The following PPP1R9A variants were observed in gnomAD, a reference collection of about 807,000 sequenced individuals.
PPP1R9A encodes the protein neurabin-1.
In PPP1R9A, 59 loss-of-function variants were observed where a neutral mutation model predicts 141.9. The observed-to-expected ratio is 0.42, with a 90% CI of 0.34 to 0.52. PPP1R9A has a LOEUF of 0.52. PPP1R9A is among the 20% of genes least tolerant of loss of function. The probability of loss-of-function intolerance (pLI) is 0.10; values close to 1 mark genes in which losing one functional copy is unlikely to be tolerated. For missense variants in PPP1R9A, 1,444 were observed against 1,611.9 expected, an observed-to-expected ratio of 0.90 and a Z score of 1.78; for synonymous variants, 500 against 569.7, an observed-to-expected ratio of 0.88 and a Z score of 1.74.
intron 4 of PPP1R9A, among the ~76,000 whole-genome samples, chr7:95,160,516 A>AT (rs919075335): frequency 4.7e-5 from 7 of 148,094 alleles, no homozygotes; most frequent in Admixed American, 1.3e-4. Flanking sequence ...CTTTATTTTT[A>AT]TTTTTTTTTT....
chr7:94,934,794 ATG>A (rs869132447), intron 2 of PPP1R9A, among the ~76,000 whole-genome samples: 30 of 118,672 alleles, frequency 2.5e-4, no homozygotes, highest in South Asian at 2.2e-3. Flanking sequence ...CTTTTATCAA[ATG>A]TGTGTGTGTG....
chr7:95,154,272 C>A lies in PPP1R9A; in HGVS notation c.1650-7595C>A, dbSNP rs542219854. Among the ~76,000 whole-genome samples, 15 of 151,930 alleles carry A rather than the reference C, an allele frequency of 9.9e-5. No homozygotes were observed. The South Asian group carries it at 3.1e-3, about 32-fold the overall frequency. On this transcript the variant is annotated intron_variant, in intron 4 of 19. Transcript: ENST00000433360. The stretch of plus-strand genomic sequence containing the variant: ...TTTGCTGCTTAATTTCATCATTGAT[C>A]CAGTGTTTGTTCAGGAGCATAGTTT...
intron 4 of PPP1R9A, among the ~76,000 whole-genome samples, chr7:95,150,790 T>C (rs1185295903): frequency 6.8e-6 from 1 of 147,888 alleles, no homozygotes; most frequent in South Asian, 2.1e-4. Context: ...ATTTAAAGTA[T>C]ACGAAAAGCT....
At chr7:95,140,157 G>A (rs1049514475) in intron 4 of PPP1R9A, among the ~76,000 whole-genome samples, 1 of 152,174 alleles carries the variant, frequency 6.6e-6, no homozygotes, top group Non-Finnish European at 1.5e-5. Context: ...TTCCACTGTA[G>A]GGGAGTGGAG....
chr7:95,062,309 T>A (rs1246433667), intron 2 of PPP1R9A, among the ~76,000 whole-genome samples: 1 of 152,170 alleles, frequency 6.6e-6, no homozygotes, highest in Non-Finnish European at 1.5e-5. Flanking sequence ...AAGAAGGGCA[T>A]TAACTTCCCA....
chr7:95,127,631 G>C (rs1301858029), intron 4 of PPP1R9A, among the ~76,000 whole-genome samples: 4 of 151,722 alleles, frequency 2.6e-5, no homozygotes, highest in Non-Finnish European at 1.5e-5. Flanking sequence ...ACTGATCATA[G>C]TACCCAATAG....
intron 5 of PPP1R9A, among the ~76,000 whole-genome samples, chr7:95,175,937 T>G (rs1181778265): frequency 1.3e-5 from 2 of 152,086 alleles, no homozygotes; most frequent in African/African-American, 4.8e-5. Flanking sequence ...AAATATAGGC[T>G]GGGATCATGG....
At chr7:95,141,617 A>G (rs1826706823) in intron 4 of PPP1R9A, among the ~76,000 whole-genome samples, 1 of 145,704 alleles carries the variant, frequency 6.9e-6, no homozygotes, top group Non-Finnish European at 1.5e-5. Context: ...GGAATACAGT[A>G]TGTGGTCTTT....
chr7:94,928,553 A>G (rs1793761802), intron 2 of PPP1R9A, among the ~76,000 whole-genome samples: 2 of 152,198 alleles, frequency 1.3e-5, no homozygotes, highest in Admixed American at 6.5e-5. Context: ...TGGATAGGAC[A>G]TGCTGACTGA....
intron 2 of PPP1R9A, among the ~76,000 whole-genome samples, chr7:94,919,299 ACATTTT>A (rs1792475133): frequency 8.2e-6 from 1 of 121,580 alleles, no homozygotes; most frequent in Non-Finnish European, 1.6e-5. Context: ...CTGGATAATT[ACATTTT>A]TTTTTTTTTT....
chr7:94,938,397 G>T (rs1794991244), intron 2 of PPP1R9A, among the ~76,000 whole-genome samples: 1 of 151,970 alleles, frequency 6.6e-6, no homozygotes, highest in African/African-American at 2.4e-5. Flanking sequence ...CAGAGATTTT[G>T]GACAATTACT....
At chr7:95,010,569 TCA>T (rs1215682375) in intron 2 of PPP1R9A, among the ~76,000 whole-genome samples, 1 of 152,196 alleles carries the variant, frequency 6.6e-6, no homozygotes, top group East Asian at 1.9e-4. Flanking sequence ...TGAATTCTAC[TCA>T]CAATGAATTT....
intron 2 of PPP1R9A, among the ~76,000 whole-genome samples, chr7:95,012,584 G>A (rs1804578401): frequency 6.6e-6 from 1 of 152,058 alleles, no homozygotes; most frequent in Non-Finnish European, 1.5e-5. Context: ...ATATATTAAG[G>A]AATAATTGGA....
At chr7:95,178,617 G>C (rs1012326650) in intron 5 of PPP1R9A, among the ~76,000 whole-genome samples, 1 of 152,016 alleles carries the variant, frequency 6.6e-6, no homozygotes, top group African/African-American at 2.4e-5. Flanking sequence ...AAATAAAATT[G>C]ATAGACCATT....
chr7:95,251,719 A>G, intron 10 of PPP1R9A, 43 bp from the exon 11 acceptor site: 1 of 1,543,166 alleles, frequency 6.5e-7, no homozygotes, highest in South Asian at 1.2e-5. Context: ...ACTTTCATTT[A>G]TTGAGTGTAT....
At chr7:95,072,802 AATT>A (rs1440339134) in intron 2 of PPP1R9A, among the ~76,000 whole-genome samples, 22 of 94,558 alleles carry the variant, frequency 2.3e-4, no homozygotes, top group African/African-American at 5.9e-4. Context: ...TTATATTTAT[AATT>A]ATTATATATA....
At chr7:94,919,818 T>C (rs1045886598) in intron 2 of PPP1R9A, among the ~76,000 whole-genome samples, 2 of 152,126 alleles carry the variant, frequency 1.3e-5, no homozygotes, top group African/African-American at 4.8e-5. Flanking sequence ...TATCATTAAC[T>C]AGTAATAATA....
chr7:95,216,983 G>T lies in PPP1R9A; in HGVS notation c.1957-8978G>T, dbSNP rs1026106837. 2.0e-5 allele frequency among the ~76,000 whole-genome samples: 3 copies of T among 152,038 alleles called. No individual in the cohort carries two copies. In the South Asian group the frequency reaches 6.2e-4, roughly 32 times the overall value. ...TTTCTTTCTCCTGCCTGATTGCCCTGGCCAGAACTTCCAACACTATGTTGA... is the reference window on the plus strand; with the variant it reads ...TTTCTTTCTCCTGCCTGATTGCCCTTGCCAGAACTTCCAACACTATGTTGA... On this transcript the variant is annotated intron_variant, in intron 7 of 19. Transcript: ENST00000433360.
intron 2 of PPP1R9A, among the ~76,000 whole-genome samples, chr7:95,087,319 AAT>A (rs1395439801): frequency 6.6e-6 from 1 of 152,072 alleles, no homozygotes; most frequent in Non-Finnish European, 1.5e-5. Context: ...TCTCTAATCA[AAT>A]AGTCTCAATG....
Sources: gnomAD v4.1 joint callset for allele counts (sites outside exome capture counted in the v4.1 genomes callset) on GRCh38, gnomAD v4.1.1 for gene constraint, MANE v1.5 for transcripts, NCBI Gene and HGNC (gene_info 2026-07-23, HGNC 2026-07-21) for gene names.